USP9X: variants seen among roughly 807,000 people sequenced by gnomAD.
USP9X encodes ubiquitin specific peptidase 9 X-linked.
In USP9X, 7 loss-of-function variants were observed where a neutral mutation model predicts 190.3. That is an observed-to-expected ratio of 0.04 (90% CI 0.02 to 0.07). The LOEUF (loss-of-function observed/expected upper bound fraction) is 0.07, where lower values mean the gene tolerates loss of function less well. Among genes scored for constraint, USP9X ranks in the 10% least tolerant of loss-of-function variants. The probability of loss-of-function intolerance (pLI) is 1.00; values close to 1 mark genes in which losing one functional copy is unlikely to be tolerated. For synonymous variants in USP9X, 645 were observed against 659.5 expected, an observed-to-expected ratio of 0.98 and a Z score of 0.34; for missense variants, 1,010 against 1,916.9, an observed-to-expected ratio of 0.53 and a Z score of 8.83.
intron 38 of USP9X, among the ~76,000 whole-genome samples, chrX:41,222,485 G>A (rs905771885): frequency 1.2e-4 from 13 of 111,797 alleles, no homozygotes; most frequent in Admixed American, 9.5e-4. Context: ...AAGAAGTTTG[G>A]CTGTAGAGGA....
intron 14 of USP9X, among the ~76,000 whole-genome samples, chrX:41,160,615 C>A (rs193117906): frequency 9.0e-6 from 1 of 111,456 alleles, no homozygotes; most frequent in African/African-American, 3.3e-5. Context: ...TTATTAATTA[C>A]AAAGAGCAAA....
Position 41,223,319 on chromosome X carries a change from C to T in USP9X, c.6668C>T (p.Ala2223Val), listed in dbSNP as rs1481990675. The change falls in exon 39 of 45, where the codon GCT (alanine) becomes GTT (valine). Residue 2223 changes from alanine (A) to valine (V), a missense_variant. Ala to Val is a moderately conservative substitution (Grantham distance 64). This residue lies in a region of USP9X where 121 missense variants were observed against 281.2 expected (regional missense o/e 0.43). Coordinates refer to ENST00000378308, the MANE Select transcript of USP9X (RefSeq NM_001039591.3). ...GGTCCTCCAATCAAATACCAGTATG[C>T]TGAATTAGGCAAATTATACTCAGTA... ...GPGPPIKYQYAELGKLYSVVS... is the reference protein window; with the variant it reads ...GPGPPIKYQYVELGKLYSVVS... 8.3e-7 allele frequency: 1 copy of T among 1,209,994 alleles called. No individual in the cohort carries two copies. Among genetic ancestry groups the T allele is most frequent in the East Asian group, 3.0e-5 (1 of 33,792 alleles).
intron 4 of USP9X, 109 bp downstream of exon 4, chrX:41,131,645 C>T (rs754901867): frequency 1.6e-6 from 1 of 628,016 alleles, no homozygotes. Context: ...TAAACACATA[C>T]TGCAGCTTGC....
At chrX:41,092,449 AG>A (rs1245754524) in intron 1 of USP9X, among the ~76,000 whole-genome samples, 1 of 110,810 alleles carries the variant, frequency 9.0e-6, no homozygotes, top group Non-Finnish European at 1.9e-5. Context: ...TCTGCCTAAC[AG>A]TGTTTTCTCT....
chrX:41,117,173 G>C (rs766156385), intron 1 of USP9X, among the ~76,000 whole-genome samples: 75 of 111,916 alleles, frequency 6.7e-4, no homozygotes, highest in African/African-American at 2.3e-3. Context: ...GGCTTTTGCT[G>C]ATTGAGTGTC....
intron 12 of USP9X, among the ~76,000 whole-genome samples, chrX:41,150,536 A>G: frequency 9.0e-6 from 1 of 111,205 alleles, no homozygotes; most frequent in Admixed American, 9.6e-5. Flanking sequence ...GGGTCTTGTT[A>G]TATATTAATT....
chrX:41,222,707 A>G (rs182268094), intron 38 of USP9X, among the ~76,000 whole-genome samples: 7 of 110,534 alleles, frequency 6.3e-5, no homozygotes, highest in African/African-American at 1.6e-4. Context: ...CATGAGGTCA[A>G]GATATCGAGA....
At chrX:41,121,940 T>G (rs1169886073) in intron 1 of USP9X, among the ~76,000 whole-genome samples, 1 of 112,261 alleles carries the variant, frequency 8.9e-6, no homozygotes, top group Non-Finnish European at 1.9e-5. Context: ...TCCCTGTTCT[T>G]AAACAGTTGT....
At chrX:41,219,431 A>C (rs1330635705) in intron 38 of USP9X, among the ~76,000 whole-genome samples, 200 bp downstream of exon 38, 1 of 109,882 alleles carries the variant, frequency 9.1e-6, no homozygotes, top group Non-Finnish European at 1.9e-5. Context: ...ACAGGTCAGA[A>C]TCTGTGTTTT....
chrX:41,217,844 T>C (rs1475440265), intron 36 of USP9X, among the ~76,000 whole-genome samples: 3 of 111,747 alleles, frequency 2.7e-5, no homozygotes, highest in Non-Finnish European at 3.8e-5. Context: ...GAGCCATGAC[T>C]GTGCCACTGC....
At chrX:41,177,927 A>T (rs2062789954) in intron 21 of USP9X, among the ~76,000 whole-genome samples, 1 of 109,003 alleles carries the variant, frequency 9.2e-6, no homozygotes, top group Non-Finnish European at 1.9e-5. Flanking sequence ...ATACAACCTC[A>T]ATTTTTTTAA....
chrX:41,191,329 CAAAAAAAAAA>C (rs60716097), intron 26 of USP9X, among the ~76,000 whole-genome samples: 3 of 65,679 alleles, frequency 4.6e-5, no homozygotes, highest in Non-Finnish European at 8.7e-5. Flanking sequence ...AACTCCATGT[CAAAAAAAAAA>C]AAAAAAAAAA....
At chrX:41,130,454 AT>A (rs1050676901) in intron 3 of USP9X, among the ~76,000 whole-genome samples, 50 of 93,297 alleles carry the variant, frequency 5.4e-4, no homozygotes, top group South Asian at 1.4e-3. Flanking sequence ...AATACAAATG[AT>A]TTTTTTTTTC....
chrX:41,117,062 C>T (rs954233561), intron 1 of USP9X, among the ~76,000 whole-genome samples: 2 of 110,940 alleles, frequency 1.8e-5, no homozygotes, highest in African/African-American at 3.3e-5. Flanking sequence ...TCAGCAATAC[C>T]GGAAATATAG....
chrX:41,202,446 G>A (rs1400656432), intron 31 of USP9X, among the ~76,000 whole-genome samples: 7 of 112,249 alleles, frequency 6.2e-5, no homozygotes, highest in Non-Finnish European at 7.5e-5. Context: ...TACTTTTCCT[G>A]TTTATAGTGA....
In USP9X at chrX:41,197,352, C is replaced by CCCCGGGGGGGGGG; in HGVS notation, c.4234-12_4234-11insCCCGGGGGGGGGG. 1.0e-6 allele frequency: 1 copy of CCCCGGGGGGGGGG among 988,225 alleles called. No individual in the cohort carries two copies. Among genetic ancestry groups the CCCCGGGGGGGGGG allele is most frequent in the Non-Finnish European group, 1.3e-6 (1 of 759,392 alleles). 81.4% of individuals were successfully genotyped at this position (988,225 alleles called of 1,213,427 possible). A position where few individuals can be genotyped will look rare whatever the true frequency, so the allele number is the denominator to read the frequency against. On this transcript the variant is annotated splice_polypyrimidine_tract_variant and intron_variant, in intron 28 of 44. Coordinates refer to ENST00000378308, the MANE Select transcript of USP9X (RefSeq NM_001039591.3). ...TTCTTCCCCCCCCCACCCCACCCCC[C>CCCCGGGGGGGGGG]GCCTTTGGCAGGATGATGTTAAAAG...
intron 2 of USP9X, among the ~76,000 whole-genome samples, chrX:41,124,750 C>T (rs1392601510): frequency 9.0e-6 from 1 of 111,693 alleles, no homozygotes; most frequent in Non-Finnish European, 1.9e-5. Context: ...TGTTGCCTAG[C>T]GTTCAAATTT....
intron 1 of USP9X, among the ~76,000 whole-genome samples, chrX:41,108,279 C>T (rs1569151282): frequency 9.0e-6 from 1 of 111,665 alleles, no homozygotes; most frequent in African/African-American, 3.3e-5. Flanking sequence ...CTCTGTTAAA[C>T]CTCTCTCTGT....
intron 26 of USP9X, among the ~76,000 whole-genome samples, chrX:41,191,328 T>C (rs2062933512): frequency 2.4e-5 from 1 of 40,861 alleles, no homozygotes; most frequent in Admixed American, 3.3e-4. Context: ...AAACTCCATG[T>C]CAAAAAAAAA....
Sources: gnomAD v4.1 joint callset for allele counts (sites outside exome capture counted in the v4.1 genomes callset) on GRCh38, gnomAD v4.1.1 for gene constraint, gnomAD v4.1.1 regional missense constraint, MANE v1.5 for transcripts, NCBI Gene and HGNC (gene_info 2026-07-23, HGNC 2026-07-21) for gene names.